The following RBFOX1 variants were observed in gnomAD, a reference collection of about 807,000 sequenced individuals.
The protein encoded by RBFOX1 is RNA binding protein fox-1 homolog 1.
RBFOX1 carries 8 observed loss-of-function variants against 57.7 expected under a neutral mutation model. The observed-to-expected ratio is 0.14, with a 90% CI of 0.08 to 0.25. RBFOX1 has a LOEUF of 0.25. RBFOX1 is among the 10% of genes least tolerant of loss of function. RBFOX1 has a pLI of 1.00. For missense variants in RBFOX1, 611 were observed against 548.5 expected, an observed-to-expected ratio of 1.11 and a Z score of -1.14; for synonymous variants, 326 against 222.4, an observed-to-expected ratio of 1.47 and a Z score of -4.15.
intron 2 of RBFOX1, among the ~76,000 whole-genome samples, chr16:6,435,828 A>C (rs1300567328): frequency 6.6e-6 from 1 of 152,168 alleles, no homozygotes; most frequent in East Asian, 1.9e-4. Flanking sequence ...GTAGTCAAAC[A>C]GTAGATGGAC....
At chr16:6,672,608 A>G (rs1051232420) in intron 3 of RBFOX1, among the ~76,000 whole-genome samples, 22 of 152,186 alleles carry the variant, frequency 1.4e-4, no homozygotes, top group African/African-American at 4.6e-4. Context: ...AAACAAGCAT[A>G]TAAGACTACT....
intron 3 of RBFOX1, among the ~76,000 whole-genome samples, chr16:6,886,809 AT>A (rs2064157811): frequency 6.6e-6 from 1 of 152,070 alleles, no homozygotes; most frequent in Non-Finnish European, 1.5e-5. Flanking sequence ...AAAAAAAAGA[AT>A]GAAAATGTGA....
chr16:7,047,341 G>A (rs1222056254), intron 3 of RBFOX1, among the ~76,000 whole-genome samples: 1 of 151,980 alleles, frequency 6.6e-6, no homozygotes, highest in African/African-American at 2.4e-5. Context: ...TATTTTTTCA[G>A]TATTTCAATA....
intron 2 of RBFOX1, among the ~76,000 whole-genome samples, chr16:6,549,048 CT>C (rs1440497292): frequency 2.1e-5 from 3 of 143,114 alleles, no homozygotes; most frequent in African/African-American, 7.9e-5. Context: ...GCACTCCAGC[CT>C]GGGCAACAGA....
chr16:5,927,805 G>A (rs955515887), intron 4 of RBFOX1, among the ~76,000 whole-genome samples: 2 of 152,166 alleles, frequency 1.3e-5, no homozygotes, highest in African/African-American at 2.4e-5. Flanking sequence ...GACAAAATGG[G>A]TAAACCTGGA....
chr16:6,299,679 A>T (rs2078573485), intron 1 of RBFOX1, among the ~76,000 whole-genome samples: 1 of 152,112 alleles, frequency 6.6e-6, no homozygotes, highest in South Asian at 2.1e-4. Context: ...ATGGATCCTT[A>T]ATGACTACCT....
intron 4 of RBFOX1, among the ~76,000 whole-genome samples, chr16:7,485,742 T>C (rs930065040): frequency 1.3e-5 from 2 of 152,250 alleles, no homozygotes; most frequent in African/African-American, 4.8e-5. Flanking sequence ...TGTACATATA[T>C]GTATTTCCCA....
chr16:5,788,528 C>G (rs2054586766), intron 3 of RBFOX1, among the ~76,000 whole-genome samples: 2 of 152,008 alleles, frequency 1.3e-5, no homozygotes, highest in Non-Finnish European at 1.5e-5. Flanking sequence ...AGTTGGGAGG[C>G]TGAGGCAGGA....
chr16:5,318,592 CA>C (rs2064307864), intron 1 of RBFOX1, among the ~76,000 whole-genome samples: 1 of 35,488 alleles, frequency 2.8e-5, no homozygotes, highest in South Asian at 2.5e-3. Flanking sequence ...ACCAAAAAAA[CA>C]AACAAAAAAA....
chr16:7,102,220 G>C (rs910123763), intron 4 of RBFOX1, among the ~76,000 whole-genome samples: 1 of 152,104 alleles, frequency 6.6e-6, no homozygotes, highest in Non-Finnish European at 1.5e-5. Flanking sequence ...GAGGAAATTC[G>C]GGCTGGAGAA....
intron 4 of RBFOX1, among the ~76,000 whole-genome samples, chr16:7,292,683 A>T (rs1471504220): frequency 6.6e-6 from 1 of 151,824 alleles, no homozygotes; most frequent in East Asian, 1.9e-4. Flanking sequence ...ACGCTACAAT[A>T]CATGTGCATT....
chr16:6,878,500 A>G (rs1208348576), intron 3 of RBFOX1, among the ~76,000 whole-genome samples: 1 of 152,212 alleles, frequency 6.6e-6, no homozygotes, highest in African/African-American at 2.4e-5. Flanking sequence ...TGATATGAGC[A>G]AGAAATAAAC....
intron 2 of RBFOX1, among the ~76,000 whole-genome samples, chr16:6,556,553 T>G (rs2097101005): frequency 6.6e-6 from 1 of 152,214 alleles, no homozygotes; most frequent in Non-Finnish European, 1.5e-5. Flanking sequence ...AGCCATTCAC[T>G]GGGTATTCCA....
chr16:5,784,981 C>T (rs1439259165), intron 3 of RBFOX1, among the ~76,000 whole-genome samples: 2 of 152,168 alleles, frequency 1.3e-5, no homozygotes, highest in East Asian at 3.9e-4. Context: ...CAGACTAAGA[C>T]AGGGAGGGAC....
chr16:7,670,969 C>T (rs935048805), intron 13 of RBFOX1, among the ~76,000 whole-genome samples: 1 of 152,206 alleles, frequency 6.6e-6, no homozygotes, highest in African/African-American at 2.4e-5. Flanking sequence ...CTAGTTTACA[C>T]ACACGCACAC....
intron 4 of RBFOX1, among the ~76,000 whole-genome samples, chr16:7,432,175 T>A (rs953615045): frequency 6.6e-6 from 1 of 152,232 alleles, no homozygotes; most frequent in Non-Finnish European, 1.5e-5. Context: ...CACCCAGAGC[T>A]TTTGCCTGGG....
intron 1 of RBFOX1, among the ~76,000 whole-genome samples, chr16:6,070,538 T>C (rs1034738438): frequency 2.6e-5 from 4 of 152,162 alleles, no homozygotes; most frequent in African/African-American, 4.8e-5. Context: ...GTTTTTAGAT[T>C]AGCTCTGGTC....
At chr16:7,099,222 G>A (rs1048793022) in intron 4 of RBFOX1, among the ~76,000 whole-genome samples, 3 of 152,130 alleles carry the variant, frequency 2.0e-5, no homozygotes, top group Non-Finnish European at 4.4e-5. Flanking sequence ...GCATACGTGT[G>A]GATGTAGAAT....
chr16:6,679,647 C>G (rs915476347), intron 3 of RBFOX1, among the ~76,000 whole-genome samples: 2 of 152,114 alleles, frequency 1.3e-5, no homozygotes, highest in Non-Finnish European at 2.9e-5. Flanking sequence ...CTCCTTTGCT[C>G]AAAACTTTAA....
Sources: gnomAD v4.1 joint callset for allele counts (sites outside exome capture counted in the v4.1 genomes callset) on GRCh38, gnomAD v4.1.1 for gene constraint, MANE v1.5 for transcripts, NCBI Gene and HGNC (gene_info 2026-07-23, HGNC 2026-07-21) for gene names.